The following SSH2 variants were observed in gnomAD, a reference collection of about 807,000 sequenced individuals.
The protein encoded by SSH2 is slingshot protein phosphatase 2.
In SSH2, 37 loss-of-function variants were observed where a neutral mutation model predicts 135.2. That is an observed-to-expected ratio of 0.27 (90% confidence interval 0.21 to 0.36). The LOEUF is 0.36. Ranked by LOEUF, SSH2 falls within the 10% of genes least tolerant of loss-of-function variation. The pLI, the probability that SSH2 is intolerant of heterozygous loss-of-function variation, is 1.00. For synonymous variants in SSH2, 628 were observed against 646.2 expected, an observed-to-expected ratio of 0.97 and a Z score of 0.43; for missense variants, 1,408 against 1,765.3, an observed-to-expected ratio of 0.80 and a Z score of 3.63.
At chr17:29,857,410 C>A (rs1443165611) in intron 1 of SSH2, among the ~76,000 whole-genome samples, 1 of 152,030 alleles carries the variant, frequency 6.6e-6, no homozygotes, top group Non-Finnish European at 1.5e-5. Context: ...GATTCAGTTA[C>A]CTCCCACCAG....
intron 3 of SSH2, among the ~76,000 whole-genome samples, chr17:29,712,156 C>A (rs1316323920): frequency 6.6e-6 from 1 of 152,134 alleles, no homozygotes; most frequent in Non-Finnish European, 1.5e-5. Context: ...TGGTTGCATT[C>A]TTTTGGGTTT....
rs540446243 is a variant in SSH2, at chr17:29,749,071, C to T, written c.188+44823G>A. Among the ~76,000 whole-genome samples the T allele has an allele frequency of 8.5e-5, 13 of 152,224 alleles. No individual in the cohort carries two copies. The South Asian group carries it at 2.5e-3, about 29-fold the overall frequency. ...AAGCAGTCAGTAAAATTCAACTATA[C>T]CTAACTGAAAAATCTTTGTAAATTA... On this transcript the variant is annotated intron_variant, in intron 3 of 15. Coordinates refer to ENST00000540801, the MANE Select transcript of SSH2 (RefSeq NM_001282129.2).
intron 4 of SSH2, among the ~76,000 whole-genome samples, chr17:29,702,225 T>A (rs1389925749): frequency 6.6e-6 from 1 of 152,008 alleles, no homozygotes; most frequent in Non-Finnish European, 1.5e-5. Context: ...TGGTGGTGCA[T>A]GCCTGTAGTC....
At chr17:29,742,497 T>TTTTTTTTTTTTTTA (rs2040598517) in intron 3 of SSH2, among the ~76,000 whole-genome samples, 1 of 147,526 alleles carries the variant, frequency 6.8e-6, no homozygotes, top group African/African-American at 2.5e-5. Context: ...TTTTTTTTTT[T>TTTTTTTTTTTTTTA]TTTCTTTTCA....
intron 1 of SSH2, among the ~76,000 whole-genome samples, chr17:29,903,563 G>A (rs2066600252): frequency 6.6e-6 from 1 of 151,490 alleles, no homozygotes; most frequent in Non-Finnish European, 1.5e-5. Flanking sequence ...CCATGGCCAA[G>A]AGCCCCTTCT....
chr17:29,868,023 T>C (rs915450195), intron 1 of SSH2, among the ~76,000 whole-genome samples: 8 of 152,172 alleles, frequency 5.3e-5, no homozygotes, highest in Admixed American at 5.2e-4. Context: ...GTATTCTAAT[T>C]GATTAAGTGC....
At chr17:29,633,435 C>T (rs2035773761) in intron 15 of SSH2, among the ~76,000 whole-genome samples, 1 of 152,200 alleles carries the variant, frequency 6.6e-6, no homozygotes, top group Non-Finnish European at 1.5e-5. Flanking sequence ...GAGGCTATCA[C>T]CTGATGTCTG....
At chr17:29,891,336 A>G (rs746379023) in intron 1 of SSH2, among the ~76,000 whole-genome samples, 10 of 152,220 alleles carry the variant, frequency 6.6e-5, no homozygotes, top group Admixed American at 2.0e-4. Context: ...TTCCCACATG[A>G]ATCTAGTGCA....
intron 4 of SSH2, 126 bp downstream of exon 4, chr17:29,702,833 C>T (rs1437058001): frequency 8.8e-6 from 7 of 792,626 alleles, no homozygotes; most frequent in Non-Finnish European, 1.5e-5. Flanking sequence ...GTCATTACGG[C>T]CCTGTACAAT....
chr17:29,783,318 T>TTATATA (rs372884691), intron 3 of SSH2, among the ~76,000 whole-genome samples: 2,940 of 142,082 alleles, frequency 0.021, 45 homozygotes, highest in Non-Finnish European at 0.029. Flanking sequence ...ATAACATATA[T>TTATATA]TATATATATA....
intron 3 of SSH2, among the ~76,000 whole-genome samples, chr17:29,726,330 A>C (rs1688276162): frequency 6.6e-6 from 1 of 152,198 alleles, no homozygotes; most frequent in South Asian, 2.1e-4. Flanking sequence ...ATGGGGAAAC[A>C]GTGGAGAGGG....
At chr17:29,926,150 C>G (rs899449608) in intron 1 of SSH2, among the ~76,000 whole-genome samples, 2 of 152,038 alleles carry the variant, frequency 1.3e-5, no homozygotes, top group Non-Finnish European at 2.9e-5. Context: ...CATTTATTAC[C>G]TCACACCTGG....
chr17:29,917,377 C>T (rs894783201), intron 1 of SSH2, among the ~76,000 whole-genome samples: 14 of 152,322 alleles, frequency 9.2e-5, no homozygotes, highest in Middle Eastern at 3.4e-3. Flanking sequence ...GTTTTCTTCA[C>T]ATGTACACAT....
chr17:29,642,685 G>A (rs1253209365), intron 14 of SSH2, among the ~76,000 whole-genome samples: 1 of 152,002 alleles, frequency 6.6e-6, no homozygotes, highest in African/African-American at 2.4e-5. Flanking sequence ...GGTCTAAAGG[G>A]AAATATTAAA....
chr17:29,825,157 A>G (rs989264111), intron 2 of SSH2, among the ~76,000 whole-genome samples: 5 of 152,184 alleles, frequency 3.3e-5, no homozygotes, highest in Non-Finnish European at 5.9e-5. Flanking sequence ...ATTACTCTCA[A>G]TCAATAGTCC....
At chr17:29,656,390 C>A (rs2036781356) in intron 11 of SSH2, among the ~76,000 whole-genome samples, 1 of 152,086 alleles carries the variant, frequency 6.6e-6, no homozygotes, top group African/African-American at 2.4e-5. Flanking sequence ...GCTGGTCATG[C>A]TGGTCTCAAA....
chr17:29,871,064 A>T (rs2065929632), intron 1 of SSH2, among the ~76,000 whole-genome samples: 2 of 152,202 alleles, frequency 1.3e-5, no homozygotes, highest in Admixed American at 1.3e-4. Flanking sequence ...AACTTTTCAC[A>T]TGAGAAAGTA....
chr17:29,863,839 G>A (rs772320606), intron 1 of SSH2: 2 of 152,190 alleles, frequency 1.3e-5, no homozygotes, highest in African/African-American at 4.8e-5. Context: ...ATGCACAGGG[G>A]TGTAATTGTT....
Position 29,636,710 on chromosome 17 carries a change from T to A in SSH2, c.1520A>T (p.Asn507Ile). ...TGCTGAGGTGGTGATATCCTTCTTG[T>A]TGAGTTCTAGCCCAGGTTTGCAGAT... ...EPICKPGLELNKKDITTSADQ... is the reference protein window; with the variant it reads ...EPICKPGLELIKKDITTSADQ... The change falls in exon 15 of 16, where the codon AAC becomes ATC. Residue 507 changes from asparagine to isoleucine, a missense_variant. Physicochemically the swap from Asn to Ile is moderately radical, Grantham distance 149. Coordinates refer to ENST00000540801, the MANE Select transcript of SSH2 (RefSeq NM_001282129.2). 6.2e-7 allele frequency: 1 copy of A among 1,614,142 alleles called. No homozygotes were observed. Among genetic ancestry groups the A allele is most frequent in the Non-Finnish European group, 8.5e-7 (1 of 1,180,024 alleles).
Sources: allele counts gnomAD v4.1 joint callset (sites outside exome capture counted in the v4.1 genomes callset), GRCh38; gene constraint gnomAD v4.1.1; transcripts MANE v1.5; gene names NCBI Gene and HGNC (gene_info 2026-07-23, HGNC 2026-07-21).